Variants in EFCAB6 observed in about 807,000 individuals in gnomAD.
EFCAB6 encodes the protein EF-hand calcium-binding domain-containing protein 6.
Under a neutral mutation model 169.8 loss-of-function variants are expected in EFCAB6, and 156 were observed. The observed-to-expected ratio is 0.92, with a 90% CI of 0.81 to 1.05. The LOEUF (loss-of-function observed/expected upper bound fraction) is 1.05. EFCAB6 is among the 50% of genes least tolerant of loss of function. EFCAB6 has a pLI of 0.00. For missense variants in EFCAB6, 1,800 were observed against 1,829.1 expected (o/e 0.98, Z 0.29); for synonymous variants, 698 against 676.4 (o/e 1.03, Z -0.50).
intron 17 of EFCAB6, among the ~76,000 whole-genome samples, chr22:43,662,723 T>C (rs936446092): frequency 8.5e-5 from 13 of 152,208 alleles, no homozygotes; most frequent in African/African-American, 3.1e-4. Flanking sequence ...AGCTACTACC[T>C]TGAAACACAC....
At chr22:43,804,733 C>T (rs961320765) in intron 2 of EFCAB6, among the ~76,000 whole-genome samples, 31 of 138,586 alleles carry the variant, frequency 2.2e-4, no homozygotes, top group Non-Finnish European at 3.6e-4. Context: ...TACTGCACTT[C>T]AGCCTGGGCA....
chr22:43,671,134 G>A (rs537043253), intron 15 of EFCAB6, among the ~76,000 whole-genome samples: 2 of 152,328 alleles, frequency 1.3e-5, no homozygotes, highest in East Asian at 3.9e-4. Context: ...CATCTGCATG[G>A]TTCCTAATGG....
At chr22:43,533,836 C>T (rs1244717368) in intron 30 of EFCAB6, among the ~76,000 whole-genome samples, 1 of 152,170 alleles carries the variant, frequency 6.6e-6, no homozygotes, top group Non-Finnish European at 1.5e-5. Context: ...GGCAGCAAGG[C>T]CGGGGACATT....
intron 12 of EFCAB6, 67 bp from the exon 13 acceptor site, chr22:43,678,230 T>C (rs1603174869): frequency 6.7e-7 from 1 of 1,487,708 alleles, no homozygotes; most frequent in East Asian, 2.3e-5. Context: ...AAGTGTTATG[T>C]ATGTTTAGCA....
Position 43,568,820 on chromosome 22 carries a change from C to T in EFCAB6, c.3420+7477G>A, listed in dbSNP as rs529614474. On this transcript the variant is annotated intron_variant, in intron 26 of 31. Transcript: ENST00000262726. ...GAAAATTCAACCACACAAATTAAAACGATTACGAGAAATTCTGTCTGATGT... is the reference window on the plus strand; with the variant it reads ...GAAAATTCAACCACACAAATTAAAATGATTACGAGAAATTCTGTCTGATGT... Among the ~76,000 whole-genome samples, 4 of 152,286 alleles carry T rather than the reference C, an allele frequency of 2.6e-5. 1 individual carries two copies. Among genetic ancestry groups the T allele is most frequent in the South Asian group, 2.1e-4 (1 of 4,824 alleles).
chr22:43,659,651 C>A (rs977192793), intron 17 of EFCAB6, among the ~76,000 whole-genome samples: 57 of 151,900 alleles, frequency 3.8e-4, no homozygotes, highest in African/African-American at 1.3e-3. Context: ...CAGGGTGATA[C>A]CCTATCTCAA....
chr22:43,674,055 T>G (rs890920801), intron 13 of EFCAB6, among the ~76,000 whole-genome samples: 1 of 152,038 alleles, frequency 6.6e-6, no homozygotes, highest in Non-Finnish European at 1.5e-5. Context: ...CTCATCAAAC[T>G]GCATATATTA....
chr22:43,668,685 T>G (rs1453550286), intron 16 of EFCAB6, among the ~76,000 whole-genome samples, 187 bp downstream of exon 16: 1 of 152,186 alleles, frequency 6.6e-6, no homozygotes, highest in Non-Finnish European at 1.5e-5. Context: ...AAAGGTAAAT[T>G]CAATAATTCC....
At chr22:43,672,377 G>C in intron 13 of EFCAB6, 72 bp from the exon 14 acceptor site, 1 of 1,514,244 alleles carries the variant, frequency 6.6e-7, no homozygotes, top group Non-Finnish European at 9.1e-7. Flanking sequence ...GAGGCAGGTG[G>C]ACCTGGACTG....
chr22:43,609,990 G>C (rs1188019350), intron 21 of EFCAB6, among the ~76,000 whole-genome samples: 1 of 152,154 alleles, frequency 6.6e-6, no homozygotes, highest in Non-Finnish European at 1.5e-5. Context: ...CTTCCATATG[G>C]AGGAAATGAG....
intron 17 of EFCAB6, among the ~76,000 whole-genome samples, chr22:43,656,959 A>C (rs139664559): frequency 3.0e-4 from 45 of 152,362 alleles, no homozygotes; most frequent in Non-Finnish European, 5.1e-4. Context: ...CCAGTGGCAG[A>C]GAACACACGT....
At chr22:43,641,502 G>A (rs2055795523) in intron 17 of EFCAB6, among the ~76,000 whole-genome samples, 2 of 151,988 alleles carry the variant, frequency 1.3e-5, no homozygotes, top group South Asian at 4.2e-4. Context: ...TGCAATCCCA[G>A]CTACTTGGGA....
intron 6 of EFCAB6, among the ~76,000 whole-genome samples, chr22:43,754,964 T>A (rs1395819414): frequency 3.9e-5 from 6 of 152,324 alleles, no homozygotes; most frequent in African/African-American, 2.4e-5. Flanking sequence ...AAACACATAA[T>A]GCTAAGAAAT....
chr22:43,779,594 G>T (rs1338124074), intron 3 of EFCAB6, among the ~76,000 whole-genome samples: 3 of 152,068 alleles, frequency 2.0e-5, no homozygotes, highest in Non-Finnish European at 4.4e-5. Context: ...ACAAAAATTA[G>T]CTGGGCATGG....
intron 2 of EFCAB6, among the ~76,000 whole-genome samples, chr22:43,785,958 C>G (rs939559307): frequency 1.2e-4 from 19 of 152,144 alleles, no homozygotes; most frequent in African/African-American, 4.6e-4. Flanking sequence ...AAACAGAAAT[C>G]TAGATAGAAT....
chr22:43,615,503 T>A (rs2053627190), intron 21 of EFCAB6, among the ~76,000 whole-genome samples: 3 of 152,182 alleles, frequency 2.0e-5, no homozygotes, highest in Admixed American at 2.0e-4. Flanking sequence ...AGTATTGCAG[T>A]TTTTCCGTTA....
At chr22:43,705,714 T>A (rs1167870458) in intron 10 of EFCAB6, among the ~76,000 whole-genome samples, 1 of 152,004 alleles carries the variant, frequency 6.6e-6, no homozygotes, top group Non-Finnish European at 1.5e-5. Flanking sequence ...AAGCACAATA[T>A]ACTAAAATAT....
In EFCAB6 at chr22:43,636,173, CTGGGTTTGCCGA is replaced by C. The variant is rs1156514994; in HGVS notation, c.1984-969_1984-958del. Among the ~76,000 whole-genome samples the C allele has an allele frequency of 3.9e-5, 6 of 152,200 alleles. No individual in the cohort carries two copies. In the East Asian group the frequency reaches 9.6e-4, roughly 24 times the overall value. On this transcript the variant is annotated intron_variant, in intron 17 of 31. Transcript: ENST00000262726. ...GGGGACGGAAGGCTTTCTAGGAGAA[CTGGGTTTGCCGA>C]TGGGTTGTGAAGAAAGTGTGTTGAG...
At chr22:43,568,512 G>A (rs1054195138) in intron 26 of EFCAB6, among the ~76,000 whole-genome samples, 16 of 152,132 alleles carry the variant, frequency 1.1e-4, no homozygotes, top group African/African-American at 2.4e-4. Flanking sequence ...TGGTTGCACC[G>A]TTGTCCATTT....
Sources: gnomAD v4.1 joint callset for allele counts (sites outside exome capture counted in the v4.1 genomes callset) on GRCh38, gnomAD v4.1.1 for gene constraint, MANE v1.5 for transcripts, NCBI Gene and HGNC (gene_info 2026-07-23, HGNC 2026-07-21) for gene names.